The following CLASP2 variants were observed in gnomAD, a reference collection of about 807,000 sequenced individuals.
CLASP2 encodes the protein CLIP-associating protein 2.
Under a neutral mutation model 194.4 loss-of-function variants are expected in CLASP2, and 47 were observed. That is an observed-to-expected ratio of 0.24 (90% CI 0.19 to 0.31). The LOEUF (loss-of-function observed/expected upper bound fraction) is 0.31, where lower values mean the gene tolerates loss of function less well. CLASP2 is among the 10% of genes least tolerant of loss of function. The probability of loss-of-function intolerance (pLI) is 1.00; values close to 1 mark genes in which losing one functional copy is unlikely to be tolerated. For missense variants in CLASP2, 1,445 were observed against 1,823.6 expected (o/e 0.79, Z 3.78); for synonymous variants, 619 against 633.5 (o/e 0.98, Z 0.34).
intron 21 of CLASP2, among the ~76,000 whole-genome samples, chr3:33,590,769 A>G (rs980493281): frequency 7.9e-5 from 12 of 152,172 alleles, no homozygotes; most frequent in Non-Finnish European, 1.3e-4. Context: ...TCAATGCCCC[A>G]TTCTCTTTCC....
chr3:33,677,394 G>C (rs1331128971), intron 6 of CLASP2, among the ~76,000 whole-genome samples: 1 of 151,672 alleles, frequency 6.6e-6, no homozygotes, highest in Non-Finnish European at 1.5e-5. Flanking sequence ...ATGAGTTCAT[G>C]TCCTTTGTAG....
At chr3:33,645,926 GCATACACA>G (rs1559514405) in intron 7 of CLASP2, among the ~76,000 whole-genome samples, 3 of 109,236 alleles carry the variant, frequency 2.7e-5, no homozygotes, top group Non-Finnish European at 3.7e-5. Flanking sequence ...ACATCTCCCA[GCATACACA>G]CACACACACA....
chr3:33,569,580 G>A (rs886173174), intron 26 of CLASP2, among the ~76,000 whole-genome samples: 3 of 152,032 alleles, frequency 2.0e-5, no homozygotes, highest in Non-Finnish European at 4.4e-5. Flanking sequence ...ATCAGTGATA[G>A]CAATATCTAT....
intron 37 of CLASP2, chr3:33,502,532 T>C (rs1559751551): frequency 6.6e-6 from 1 of 152,202 alleles, no homozygotes; most frequent in Admixed American, 6.5e-5. Flanking sequence ...TAGAACCTAA[T>C]ACTCTTTAAC....
Position 33,585,376 on chromosome 3 carries a change from T to C in CLASP2, c.2069-456A>G, listed in dbSNP as rs185878959. Among the ~76,000 whole-genome samples, 205 of 152,302 alleles carry C rather than the reference T, an allele frequency of 1.3e-3. 2 individuals are homozygous for C. The highest frequency in any genetic ancestry group is 4.5e-3 in the African/African-American group (189 of 41,556). On this transcript the variant is annotated intron_variant, in intron 21 of 38. Transcript: ENST00000682230. Reference sequence around the variant, plus strand: ...TGATTTTATCATTGTGTGAACATCATAGAGTGTACTTACACAAACCTAGAT... The same window carrying C: ...TGATTTTATCATTGTGTGAACATCACAGAGTGTACTTACACAAACCTAGAT...
chr3:33,569,424 A>T (rs1447306768), intron 26 of CLASP2, among the ~76,000 whole-genome samples: 1 of 152,228 alleles, frequency 6.6e-6, no homozygotes, highest in African/African-American at 2.4e-5. Flanking sequence ...AAAGTTGAAC[A>T]GACTGTTAAT....
At chr3:33,559,040 C>A (rs1318043473) in intron 29 of CLASP2, 1 of 519,492 alleles carries the variant, frequency 1.9e-6, no homozygotes, top group Admixed American at 3.2e-5. Flanking sequence ...AAAAGGCTTA[C>A]AAAGGTTAGT....
chr3:33,690,338 C>A (rs939709154), intron 2 of CLASP2, among the ~76,000 whole-genome samples: 1 of 152,044 alleles, frequency 6.6e-6, no homozygotes, highest in Admixed American at 6.5e-5. Context: ...AGGTGTGTGA[C>A]CAAATGTCTA....
Position 33,645,203 on chromosome 3 carries a change from C to T in CLASP2, c.716-300G>A, listed in dbSNP as rs574092844. On this transcript the variant is annotated intron_variant, in intron 7 of 38. Coordinates refer to ENST00000682230, the MANE Select transcript of CLASP2 (RefSeq NM_001365631.1). ...TATTTTTCATGTTTTTGCTACTCTG[C>T]ATTTTCTGCCAGCTCCTCCCATAGT... 5.3e-4 allele frequency: 400 copies of T among 759,650 alleles called. 2 individuals carry two copies. The African/African-American group carries it at 6.0e-3, about 11-fold the overall frequency. The allele number at this position is 759,650 out of a possible 1,614,324, so 47.1% of individuals were successfully genotyped here.
intron 36 of CLASP2, among the ~76,000 whole-genome samples, chr3:33,512,572 A>T (rs1399090535): frequency 6.9e-6 from 1 of 145,612 alleles, no homozygotes; most frequent in East Asian, 2.0e-4. Context: ...AAAAAAAAAA[A>T]AAAAAAAAAA....
intron 8 of CLASP2, chr3:33,644,501 C>A: frequency 5.1e-6 from 2 of 393,534 alleles, no homozygotes; most frequent in Non-Finnish European, 9.4e-6. Flanking sequence ...TTCCATAAAT[C>A]TTTTTCAAAA....
At chr3:33,635,700 G>C (rs142431570) in intron 8 of CLASP2, among the ~76,000 whole-genome samples, 1 of 152,274 alleles carries the variant, frequency 6.6e-6, no homozygotes, top group African/African-American at 2.4e-5. Flanking sequence ...ACAAAATGCA[G>C]AGACAATGGA....
At chr3:33,651,840 G>A (rs769023126) in intron 7 of CLASP2, among the ~76,000 whole-genome samples, 1 of 151,670 alleles carries the variant, frequency 6.6e-6, no homozygotes, top group African/African-American at 2.4e-5. Context: ...TGTCTTTTTG[G>A]TAGAGATGGG....
intron 34 of CLASP2, among the ~76,000 whole-genome samples, chr3:33,523,053 G>A (rs1362349073): frequency 6.6e-6 from 1 of 152,188 alleles, no homozygotes; most frequent in Non-Finnish European, 1.5e-5. Flanking sequence ...TCCAGCCTGG[G>A]AGCCAGAGAG....
chr3:33,592,804 T>C (rs931716283), intron 20 of CLASP2: 1 of 343,454 alleles, frequency 2.9e-6, no homozygotes, highest in Non-Finnish European at 5.5e-6. Flanking sequence ...TCTCAATTGG[T>C]AGTTGCAATT....
At position 33,544,753 on chromosome 3, in the gene CLASP2, T is replaced by C; in HGVS notation, c.3242A>G (p.Asp1081Gly). The C allele has an allele frequency of 1.2e-6, 2 of 1,613,576 alleles. No homozygotes were observed. Among genetic ancestry groups the C allele is most frequent in the Non-Finnish European group, 1.7e-6 (2 of 1,179,664 alleles). ...ATTATGAAGAAGCTTGGTAGCACCATCCTGAAAAGTTTTTGGTAAAGCTCC... is the reference window on the plus strand; with the variant it reads ...ATTATGAAGAAGCTTGGTAGCACCACCCTGAAAAGTTTTTGGTAAAGCTCC... ...LLGALPKTFQDGATKLLHNHL... is the reference protein window; with the variant it reads ...LLGALPKTFQGGATKLLHNHL... The change falls in exon 31 of 39, where the codon GAT becomes GGT. Residue 1081 changes from aspartate to glycine, a missense_variant. By Grantham distance (94) the Asp-to-Gly change is moderately conservative. Transcript: ENST00000682230.
At chr3:33,589,265 C>T (rs1016918748) in intron 21 of CLASP2, among the ~76,000 whole-genome samples, 1 of 152,032 alleles carries the variant, frequency 6.6e-6, no homozygotes, top group Admixed American at 6.6e-5. Context: ...AAAAGAGACA[C>T]AATTTTGTCA....
chr3:33,508,125 G>C (rs1347651876), intron 37 of CLASP2, among the ~76,000 whole-genome samples: 1 of 151,720 alleles, frequency 6.6e-6, no homozygotes, highest in Non-Finnish European at 1.5e-5. Context: ...CTGCTGAATA[G>C]CTGGGACCAT....
intron 1 of CLASP2, among the ~76,000 whole-genome samples, chr3:33,707,195 A>G (rs1047764161): frequency 1.3e-5 from 2 of 152,216 alleles, no homozygotes; most frequent in Non-Finnish European, 2.9e-5. Flanking sequence ...AAGCAGTCAA[A>G]GATTACTAGG....
Sources: gnomAD v4.1 joint callset for allele counts (sites outside exome capture counted in the v4.1 genomes callset) on GRCh38, gnomAD v4.1.1 for gene constraint, MANE v1.5 for transcripts, NCBI Gene and HGNC (gene_info 2026-07-23, HGNC 2026-07-21) for gene names.